ARFIP1: variants seen among roughly 807,000 people sequenced by gnomAD.
ARFIP1 encodes the protein ARF interacting protein 1.
In ARFIP1, 24 loss-of-function variants were observed where a neutral mutation model predicts 42.5. The observed-to-expected ratio is 0.57, with a 90% CI of 0.41 to 0.80. ARFIP1 has a LOEUF of 0.80. ARFIP1 is among the 30% of genes least tolerant of loss of function. ARFIP1 has a pLI of 0.00. For missense variants in ARFIP1, 354 were observed against 434.0 expected (o/e 0.82, Z 1.64); for synonymous variants, 141 against 153.7 (o/e 0.92, Z 0.61).
chr4:152,875,486 A>ATTCACACCC (rs59587710), intron 5 of ARFIP1, among the ~76,000 whole-genome samples: 6,451 of 151,348 alleles, frequency 0.043, 171 homozygotes, highest in South Asian at 0.11. Context: ...TGCCATTAGC[A>ATTCACACCC]TTCACACCCT....
At chr4:152,795,820 A>ATTTTTTGTTTTTTTTTTTTT (rs1731417755) in intron 1 of ARFIP1, among the ~76,000 whole-genome samples, 1 of 28,066 alleles carries the variant, frequency 3.6e-5, no homozygotes, top group Non-Finnish European at 6.2e-5. Flanking sequence ...GGCCCTTGTA[A>ATTTTTTGTTTTTTTTTTTTT]TTTTTTTTTT....
chr4:152,893,409 TG>T (rs749393180), intron 8 of ARFIP1, among the ~76,000 whole-genome samples: 1 of 145,402 alleles, frequency 6.9e-6, no homozygotes, highest in Non-Finnish European at 1.5e-5. Context: ...AAGCAACTCA[TG>T]TTTTTTTTTT....
chr4:152,894,953 G>A (rs1737186384), intron 8 of ARFIP1, among the ~76,000 whole-genome samples: 1 of 152,208 alleles, frequency 6.6e-6, no homozygotes, highest in South Asian at 2.1e-4. Context: ...ACCAGCATGT[G>A]CAACTGCCTT....
At chr4:152,782,088 CTTG>C (rs1730534914) in intron 1 of ARFIP1, among the ~76,000 whole-genome samples, 1 of 150,280 alleles carries the variant, frequency 6.7e-6, no homozygotes, top group Non-Finnish European at 1.5e-5. Flanking sequence ...TAGGCAGTAT[CTTG>C]TTGAAGTTAG....
intron 5 of ARFIP1, among the ~76,000 whole-genome samples, chr4:152,880,099 T>G (rs558496604): frequency 2.8e-4 from 42 of 152,326 alleles, no homozygotes; most frequent in African/African-American, 9.9e-4. Context: ...CCCAGCACTT[T>G]GGGAGGCCAA....
chr4:152,879,316 AATATTCAGG>A (rs1341891917), intron 5 of ARFIP1, among the ~76,000 whole-genome samples: 1 of 152,204 alleles, frequency 6.6e-6, no homozygotes, highest in Non-Finnish European at 1.5e-5. Context: ...ATAGAAAAGA[AATATTCAGG>A]ATATTATATA....
intron 3 of ARFIP1, among the ~76,000 whole-genome samples, chr4:152,868,984 T>C (rs1734646947): frequency 6.6e-6 from 1 of 152,224 alleles, no homozygotes; most frequent in Non-Finnish European, 1.5e-5. Context: ...TTGATTTCCA[T>C]CATCCCTTCT....
Position 152,912,109 on chromosome 4 carries a change from GT to G in ARFIP1, c.*1892del, listed in dbSNP as rs1738892255. The G allele has an allele frequency of 6.6e-6, 1 of 151,932 alleles. No homozygotes were observed. Among genetic ancestry groups the G allele is most frequent in the Admixed American group, 6.6e-5 (1 of 15,246 alleles). The allele number at this position is 151,932 out of a possible 1,614,324, so 9.4% of individuals were successfully genotyped here. On this transcript the variant is annotated 3_prime_UTR_variant, in exon 9 of 9. Coordinates refer to ENST00000353617, the MANE Select transcript of ARFIP1 (RefSeq NM_001025595.3). ...CATTCTTAACCACATTTCAATAACAGTTACTGTAGCTAAGGAGCTAAATAGT... is the reference window on the plus strand; with the variant it reads ...CATTCTTAACCACATTTCAATAACAGTACTGTAGCTAAGGAGCTAAATAGT...
chr4:152,898,404 CT>C (rs1737539446), intron 8 of ARFIP1, among the ~76,000 whole-genome samples: 2 of 152,254 alleles, frequency 1.3e-5, no homozygotes, highest in African/African-American at 2.4e-5. Context: ...ACATTCATAA[CT>C]TTTTTCCTCA....
intron 8 of ARFIP1, among the ~76,000 whole-genome samples, chr4:152,905,708 A>G (rs985646036): frequency 6.6e-6 from 1 of 151,506 alleles, no homozygotes; most frequent in Non-Finnish European, 1.5e-5. Flanking sequence ...GCCTGCTACC[A>G]TGCCTGGCTA....
intron 1 of ARFIP1, among the ~76,000 whole-genome samples, chr4:152,814,252 A>T (rs528256614): frequency 6.6e-6 from 1 of 151,950 alleles, no homozygotes; most frequent in Non-Finnish European, 1.5e-5. Flanking sequence ...CACCATGCCT[A>T]GCTAATGTTT....
chr4:152,870,751 A>G lies in ARFIP1; in HGVS notation c.203-2A>G. ...TCACAGTTAAAATGTCTACCTTTTCAGGTTCCCCAGCACCGCCACTGCCAT... is the reference window on the plus strand; with the variant it reads ...TCACAGTTAAAATGTCTACCTTTTCGGGTTCCCCAGCACCGCCACTGCCAT... On this transcript the variant is annotated splice_acceptor_variant, in intron 3 of 8. Coordinates refer to ENST00000353617, the MANE Select transcript of ARFIP1 (RefSeq NM_001025595.3). LOFTEE classifies it high-confidence loss of function. 6.2e-7 allele frequency: 1 copy of G among 1,612,010 alleles called. No individual in the cohort carries two copies. Among genetic ancestry groups the G allele is most frequent in the African/African-American group, 1.3e-5 (1 of 75,012 alleles).
At chr4:152,898,856 C>T (rs1737578145) in intron 8 of ARFIP1, among the ~76,000 whole-genome samples, 2 of 152,146 alleles carry the variant, frequency 1.3e-5, no homozygotes. Context: ...CATCTGTTCC[C>T]TTCTTGAAGC....
At chr4:152,849,577 A>T (rs1732822769) in intron 2 of ARFIP1, among the ~76,000 whole-genome samples, 1 of 152,188 alleles carries the variant, frequency 6.6e-6, no homozygotes, top group Non-Finnish European at 1.5e-5. Flanking sequence ...GTAGGCAGTG[A>T]ACCACCAAAA....
At chr4:152,827,313 CAG>C (rs1463573487) in intron 1 of ARFIP1, among the ~76,000 whole-genome samples, 1 of 152,156 alleles carries the variant, frequency 6.6e-6, no homozygotes, top group African/African-American at 2.4e-5. Context: ...GAAGAAAGCA[CAG>C]AGAGTTCCCC....
intron 3 of ARFIP1, among the ~76,000 whole-genome samples, chr4:152,864,913 CT>C (rs34123163): frequency 0.086 from 9,637 of 112,450 alleles, 529 homozygotes; most frequent in African/African-American, 0.19. Flanking sequence ...CTTTTTTAAA[CT>C]TTTTTTTTTT....
At chr4:152,889,536 C>CATATATATATATATAT (rs58428402) in intron 8 of ARFIP1, among the ~76,000 whole-genome samples, 1 of 47,560 alleles carries the variant, frequency 2.1e-5, no homozygotes, top group Non-Finnish European at 3.7e-5. Flanking sequence ...TATATATATA[C>CATATATATATATATAT]ACCTATTTTT....
intron 1 of ARFIP1, among the ~76,000 whole-genome samples, chr4:152,784,129 T>C (rs1436989446): frequency 1.3e-5 from 2 of 152,136 alleles, no homozygotes; most frequent in African/African-American, 4.8e-5. Flanking sequence ...ACTAAAATAT[T>C]TGTACAGAAT....
intron 2 of ARFIP1, among the ~76,000 whole-genome samples, chr4:152,843,873 C>G (rs1319558000): frequency 2.0e-5 from 3 of 152,206 alleles, no homozygotes; most frequent in African/African-American, 7.2e-5. Context: ...GGGCTTGGTT[C>G]TTGCATGGCC....
Sources: gnomAD v4.1 joint callset for allele counts (sites outside exome capture counted in the v4.1 genomes callset) on GRCh38, gnomAD v4.1.1 for gene constraint, MANE v1.5 for transcripts, NCBI Gene and HGNC (gene_info 2026-07-23, HGNC 2026-07-21) for gene names.